OTUD5: variants seen among roughly 807,000 people sequenced by gnomAD.
The protein encoded by OTUD5 is OTU domain-containing protein 5.
A neutral mutation model predicts 36.3 loss-of-function variants in OTUD5; 2 were observed. The ratio of observed to expected loss-of-function variants is 0.06; its 90% confidence interval spans 0.02 to 0.17. The LOEUF (loss-of-function observed/expected upper bound fraction) is 0.17, where lower values mean the gene tolerates loss of function less well. Ranked by LOEUF, OTUD5 falls within the 10% of genes least tolerant of loss-of-function variation. The pLI is 1.00. For missense variants in OTUD5, 233 were observed against 512.3 expected (o/e 0.45, Z 5.26); for synonymous variants, 234 against 214.9 (o/e 1.09, Z -0.78).
At position 48,923,102 on chromosome X, in the gene OTUD5, AAAG is replaced by A. The variant is rs1322262633; in HGVS notation, c.*69_*71del. ...AGAAGGAGGCAAGAGGGAAGAAGCC[AAAG>A]AAGGTGAGGTGGCACCGGAGAGCAG... On this transcript the variant is annotated 3_prime_UTR_variant, in exon 9 of 9. Coordinates refer to ENST00000376488, the MANE Select transcript of OTUD5 (RefSeq NM_001136157.2). The A allele has an allele frequency of 1.7e-6, 2 of 1,205,656 alleles. No homozygotes were observed. The highest frequency in any genetic ancestry group is 3.0e-5 in the East Asian group (1 of 33,709).
chrX:48,923,486 G>C lies in OTUD5; in HGVS notation c.1579+147C>G, dbSNP rs1466352212. On this transcript the variant is annotated intron_variant, in intron 8 of 8. Transcript: ENST00000376488. ...AGACCCTTCTGGGGCAAATTCCTTG[G>C]ATCTGAAAAATCCCCTCCAGTGCCT... The C allele has an allele frequency of 1.6e-5, 9 of 555,009 alleles. No homozygotes were observed. In the South Asian group the frequency reaches 2.4e-4, roughly 15 times the overall value. The allele number at this position is 555,009 out of a possible 1,213,427, so 45.7% of individuals were successfully genotyped here. A position where few individuals can be genotyped will look rare whatever the true frequency, so the allele number is the denominator to read the frequency against.
chrX:48,944,562 G>A (rs1557051921), intron 1 of OTUD5, among the ~76,000 whole-genome samples: 1 of 112,351 alleles, frequency 8.9e-6, no homozygotes, highest in African/African-American at 3.2e-5. Context: ...TGCAGGGCCT[G>A]GCCCAGGGAG....
intron 1 of OTUD5, among the ~76,000 whole-genome samples, chrX:48,951,449 C>T: frequency 9.0e-6 from 1 of 111,607 alleles, no homozygotes; most frequent in East Asian, 2.8e-4. Context: ...CCTGTCTCTA[C>T]TAAAAATACA....
chrX:48,946,338 C>T (rs1228036096), intron 1 of OTUD5, among the ~76,000 whole-genome samples: 1 of 111,573 alleles, frequency 9.0e-6, no homozygotes, highest in East Asian at 2.8e-4. Flanking sequence ...TTGTAAATAA[C>T]GTACCATATA....
At position 48,957,535 on chromosome X, in the gene OTUD5, G is replaced by A; in HGVS notation, c.36C>T (p.Pro12=). 5 of 830,928 alleles carry A rather than the reference G, an allele frequency of 6.0e-6. No individual in the cohort carries two copies. The highest frequency in any genetic ancestry group is 6.2e-5 in the South Asian group (1 of 16,018). The allele number at this position is 830,928 out of a possible 1,213,427, so 68.5% of individuals were successfully genotyped here. ...TILPKKKPPP[P]DADPANEPPP... is the part of the protein sequence containing the mutation. The stretch of plus-strand genomic sequence containing the variant: ...GCGGCTCGTTGGCGGGGTCGGCGTC[G>A]GGAGGCGGCGGCTTCTTTTTGGGGA... The change falls in exon 1 of 9, where the codon CCC becomes CCT. Residue 12 remains proline (P), a synonymous_variant. Transcript: ENST00000376488.
chrX:48,944,821 G>A (rs1295087404), intron 1 of OTUD5, among the ~76,000 whole-genome samples: 2 of 111,807 alleles, frequency 1.8e-5, no homozygotes, highest in Non-Finnish European at 3.8e-5. Context: ...TCGGGAGTTC[G>A]AGACCAGCCT....
chrX:48,957,714 C>T (rs1232067138), upstream of OTUD5: 1 of 789,461 alleles, frequency 1.3e-6, no homozygotes, highest in Non-Finnish European at 1.5e-6. Flanking sequence ...TTCGAGAACC[C>T]TCGGCGGCGG....
rs782359194 is a variant in OTUD5, at chrX:48,932,485, C to T, written c.1059+1979G>A. 4.8e-4 allele frequency among the ~76,000 whole-genome samples: 53 copies of T among 109,566 alleles called. 1 individual carries two copies. Among genetic ancestry groups the T allele is most frequent in the Non-Finnish European group, 8.6e-4 (45 of 52,521 alleles). The stretch of plus-strand genomic sequence containing the variant: ...GATTACAGGTGTGTGCCACCACACC[C>T]GGCTAATTTTTTTTTGTATTTTTAG... On this transcript the variant is annotated intron_variant, in intron 5 of 8. Coordinates refer to ENST00000376488, the MANE Select transcript of OTUD5 (RefSeq NM_001136157.2).
At chrX:48,951,027 C>A (rs1352305495) in intron 1 of OTUD5, among the ~76,000 whole-genome samples, 1 of 110,020 alleles carries the variant, frequency 9.1e-6, no homozygotes, top group Admixed American at 9.7e-5. Flanking sequence ...CACCTGCCTA[C>A]CATCCTCCAG....
At chrX:48,929,763 C>T (rs1341754506) in intron 5 of OTUD5, among the ~76,000 whole-genome samples, 3 of 109,213 alleles carry the variant, frequency 2.7e-5, no homozygotes, top group Non-Finnish European at 5.7e-5. Context: ...GAGATCCCAG[C>T]ATAGAATGCA....
intron 1 of OTUD5, among the ~76,000 whole-genome samples, chrX:48,951,222 G>C (rs1014378490): frequency 1.3e-4 from 15 of 111,568 alleles, no homozygotes. Context: ...GTCAAAAGGT[G>C]TTTAGCATTC....
rs782339267 is a variant in OTUD5 at position 48,957,100 on chromosome X, C to G, written c.471G>C (p.Gly157=). The change falls in exon 1 of 9, where the codon GGG becomes GGC. Residue 157 remains glycine (G), a synonymous_variant. Transcript: ENST00000376488. ...GACTGCCCCCGCCAACCGCGCCAAC[C>G]CCGGGAGCTTGACGTCGCCGCTTGC... The part of the protein sequence containing the change: ...GHSKRRRQAP[G]VGAVGGGSPE... 4.2e-6 allele frequency: 5 copies of G among 1,177,831 alleles called. No individual in the cohort carries two copies. Among genetic ancestry groups the G allele is most frequent in the Non-Finnish European group, 5.7e-6 (5 of 881,448 alleles).
chrX:48,952,012 C>T (rs1035010658), intron 1 of OTUD5, among the ~76,000 whole-genome samples: 1 of 110,180 alleles, frequency 9.1e-6, no homozygotes, highest in African/African-American at 3.3e-5. Context: ...CCTGAGATTG[C>T]GCCACTGCAC....
chrX:48,954,680 A>T, intron 1 of OTUD5, among the ~76,000 whole-genome samples: 1 of 111,534 alleles, frequency 9.0e-6, no homozygotes, highest in Middle Eastern at 4.3e-3. Context: ...GTGGGAGGAG[A>T]ATTTCCCCAG....
intron 1 of OTUD5, 26 bp downstream of exon 1, chrX:48,956,951 C>T: frequency 3.6e-6 from 4 of 1,115,430 alleles, no homozygotes; most frequent in Non-Finnish European, 4.7e-6. Flanking sequence ...GCCGTGGCCG[C>T]TCACCCCTCA....
intron 2 of OTUD5, among the ~76,000 whole-genome samples, chrX:48,939,271 T>C (rs186599237): frequency 1.4e-4 from 16 of 110,511 alleles, no homozygotes; most frequent in Non-Finnish European, 2.3e-4. Flanking sequence ...GACCTGATCT[T>C]GTGTGCCTCA....
intron 2 of OTUD5, among the ~76,000 whole-genome samples, chrX:48,943,449 C>T (rs1212531021): frequency 1.8e-5 from 2 of 111,503 alleles, no homozygotes; most frequent in Admixed American, 9.6e-5. Context: ...GATCCAATGT[C>T]GGGGTTTTGC....
intron 2 of OTUD5, chrX:48,940,890 T>TGGCA (rs1216793127): frequency 8.9e-6 from 1 of 111,854 alleles, no homozygotes; most frequent in Non-Finnish European, 1.9e-5. Flanking sequence ...GGGGAACCAA[T>TGGCA]GGCAGGCAGG....
chrX:48,942,915 G>A (rs2063958427), intron 2 of OTUD5, among the ~76,000 whole-genome samples: 1 of 110,756 alleles, frequency 9.0e-6, no homozygotes, highest in African/African-American at 3.3e-5. Flanking sequence ...AGAGCTGCTT[G>A]CCTAAGGTCA....
Sources: allele counts gnomAD v4.1 joint callset (sites outside exome capture counted in the v4.1 genomes callset), GRCh38; gene constraint gnomAD v4.1.1; transcripts MANE v1.5; gene names NCBI Gene and HGNC (gene_info 2026-07-23, HGNC 2026-07-21).